PMFBP1: variants seen among roughly 807,000 people sequenced by gnomAD.
PMFBP1 encodes polyamine-modulated factor 1-binding protein 1.
In PMFBP1, 131 loss-of-function variants were observed where a neutral mutation model predicts 137.8. That is an observed-to-expected ratio of 0.95 (90% CI 0.82 to 1.10). The LOEUF is 1.10. Ranked by LOEUF, PMFBP1 falls within the 50% of genes least tolerant of loss-of-function variation. PMFBP1 has a pLI of 0.00. For missense variants in PMFBP1, 1,199 were observed against 1,175.4 expected (o/e 1.02, Z -0.29); for synonymous variants, 490 against 450.4 (o/e 1.09, Z -1.11).
chr16:72,205,726 G>A, the PMFBP1 span, among the ~76,000 whole-genome samples: 15 of 152,088 alleles, frequency 9.9e-5, no homozygotes, highest in Admixed American at 3.9e-4. Context: ...GTTTATAGTC[G>A]TCTCTTCCAT....
At chr16:72,130,402 T>C (rs765992691) in intron 11 of PMFBP1, 45 bp from the exon 12 acceptor site, 13 of 1,612,984 alleles carry the variant, frequency 8.1e-6, no homozygotes, top group South Asian at 2.2e-5. Flanking sequence ...TCAGTGCCCA[T>C]GTGGGCAGAT....
chr16:72,196,902 C>T, the PMFBP1 span, among the ~76,000 whole-genome samples: 1 of 152,218 alleles, frequency 6.6e-6, no homozygotes. Context: ...CTGATAGGCT[C>T]TACAATCCAA....
In PMFBP1 at chr16:72,132,749, A is replaced by C. The variant is rs762497410; in HGVS notation, c.1446T>G (p.Ala482=). ...GGACAGCACCTGCAGGGGCCTCACC[A>C]GCCAGCCTCTCCTGCTGCTTGGCCT... is the stretch of plus-strand genomic sequence containing the variant. ...LEEAKQQERL[A]AQQAAQCKEE... Residue 482 remains alanine (A), a splice_region_variant and synonymous_variant, in exon 10 of 21, where the codon GCT becomes GCG. Transcript: ENST00000237353. 1 of 1,614,192 alleles carries C rather than the reference A, an allele frequency of 6.2e-7. No homozygotes were observed. Among genetic ancestry groups the C allele is most frequent in the Non-Finnish European group, 8.5e-7 (1 of 1,180,020 alleles).
chr16:72,171,112 CT>C, intron 2 of PMFBP1, 84 bp downstream of exon 2: 1 of 1,459,986 alleles, frequency 6.8e-7, no homozygotes, highest in South Asian at 1.1e-5. Flanking sequence ...ATGCTTATTA[CT>C]GGAATTTTGA....
the PMFBP1 span, among the ~76,000 whole-genome samples, chr16:72,242,655 G>C: frequency 6.6e-6 from 1 of 152,184 alleles, no homozygotes. Flanking sequence ...TTCCGAACTA[G>C]AACGTTCATT....
At chr16:72,125,522 G>A (rs779622271) in intron 15 of PMFBP1, 117 bp from the exon 16 acceptor site, 75 of 1,175,790 alleles carry the variant, frequency 6.4e-5, no homozygotes, top group Middle Eastern at 5.7e-4. Flanking sequence ...TGACACGGAC[G>A]GTCACCTTGC....
At chr16:72,162,831 C>T (rs909515383) in intron 3 of PMFBP1, among the ~76,000 whole-genome samples, 16 of 152,198 alleles carry the variant, frequency 1.1e-4, no homozygotes, top group African/African-American at 2.7e-4. Context: ...AAACTCATGA[C>T]AGCAATGGTG....
At chr16:72,146,506 A>G (rs2042808607) in intron 5 of PMFBP1, among the ~76,000 whole-genome samples, 1 of 152,134 alleles carries the variant, frequency 6.6e-6, no homozygotes, top group Non-Finnish European at 1.5e-5. Flanking sequence ...TTCGTGTAGT[A>G]TTGGAAGTTC....
chr16:72,202,482 C>T, the PMFBP1 span, among the ~76,000 whole-genome samples: 9 of 152,140 alleles, frequency 5.9e-5, no homozygotes, highest in South Asian at 2.1e-4. Flanking sequence ...CTGGCCCTGA[C>T]GTTTTTCTCT....
rs1027448268 is a variant in PMFBP1, at chr16:72,148,495, T to A, written c.636+2113A>T. ...GTAACAAACCTGCACGTTGTGCACA[T>A]GTACCCCAGAACTTAAAGTAGAATA... is the stretch of plus-strand genomic sequence containing the variant. On this transcript the variant is annotated intron_variant, in intron 5 of 20. Coordinates refer to ENST00000237353, the MANE Select transcript of PMFBP1 (RefSeq NM_031293.3). Among the ~76,000 whole-genome samples the A allele has an allele frequency of 4.6e-5, 7 of 152,260 alleles. No individual in the cohort carries two copies. The East Asian group carries it at 7.7e-4, about 17-fold the overall frequency.
At position 72,139,305 on chromosome 16, in the gene PMFBP1, C is replaced by T; in HGVS notation, c.902G>A (p.Cys301Tyr). Residue 301 changes from cysteine (C) to tyrosine (Y), a missense_variant, in exon 7 of 21, where the codon TGT becomes TAT. By Grantham distance (194) the Cys-to-Tyr change is radical. Coordinates refer to ENST00000237353, the MANE Select transcript of PMFBP1 (RefSeq NM_031293.3). ...TTCTCCCACCTTTTTGATGTCTTCA[C>T]ACTCTTCTGAGGAGCTAGGAGGGTA... Reference protein sequence around the residue: ...HRYPPSSSEECEDIKKILKHL... With the variant: ...HRYPPSSSEEYEDIKKILKHL... 6.2e-7 allele frequency: 1 copy of T among 1,613,704 alleles called. No homozygotes were observed. Among genetic ancestry groups the T allele is most frequent in the Non-Finnish European group, 8.5e-7 (1 of 1,179,620 alleles).
At chr16:72,145,690 A>C (rs893236341) in intron 5 of PMFBP1, among the ~76,000 whole-genome samples, 1 of 152,228 alleles carries the variant, frequency 6.6e-6, no homozygotes, top group Non-Finnish European at 1.5e-5. Context: ...AAAAATGATA[A>C]GGGGGACATC....
the PMFBP1 span, among the ~76,000 whole-genome samples, chr16:72,236,309 G>C: frequency 3.9e-5 from 6 of 152,108 alleles, no homozygotes; most frequent in African/African-American, 1.4e-4. Flanking sequence ...TGTACTTAAT[G>C]AACTTGTAAA....
the PMFBP1 span, among the ~76,000 whole-genome samples, chr16:72,237,657 A>G: frequency 6.6e-6 from 1 of 151,944 alleles, no homozygotes; most frequent in African/African-American, 2.4e-5. Flanking sequence ...AAAAACTTTC[A>G]TTTTAAATTT....
At chr16:72,127,758 C>T (rs1423153732) in intron 14 of PMFBP1, among the ~76,000 whole-genome samples, 1 of 152,204 alleles carries the variant, frequency 6.6e-6, no homozygotes, top group Non-Finnish European at 1.5e-5. Flanking sequence ...ATCATTGATT[C>T]CTCACTTTCT....
chr16:72,184,968 T>G, the PMFBP1 span, among the ~76,000 whole-genome samples: 1 of 152,096 alleles, frequency 6.6e-6, no homozygotes, highest in Non-Finnish European at 1.5e-5. Context: ...TCCATTGCTC[T>G]CAAGGTAAAG....
chr16:72,132,893 C>T lies in PMFBP1; in HGVS notation c.1302G>A (p.Gln434=). The T allele has an allele frequency of 6.2e-7, 1 of 1,614,236 alleles. No homozygotes were observed. Among genetic ancestry groups the T allele is most frequent in the South Asian group, 1.1e-5 (1 of 91,086 alleles). ...LLKKEKELEK[Q]QCMATELEMT... ...TTTCAAGTTCTGTGGCCATGCACTGCTGCTTCTCCAGCTCCTTCTCCTTTT... is the reference window on the plus strand; with the variant it reads ...TTTCAAGTTCTGTGGCCATGCACTGTTGCTTCTCCAGCTCCTTCTCCTTTT... The change falls in exon 10 of 21, where the codon CAG becomes CAA. Residue 434 remains glutamine (Q), a synonymous_variant. Transcript: ENST00000237353.
At chr16:72,222,968 C>T in the PMFBP1 span, among the ~76,000 whole-genome samples, 1 of 152,056 alleles carries the variant, frequency 6.6e-6, no homozygotes, top group African/African-American at 2.4e-5. Flanking sequence ...TTATTTGGCT[C>T]TTTCAAATAA....
rs577881185 is a variant in PMFBP1 at position 72,130,096 on chromosome 16, C to T, written c.1782+117G>A. 27 of 1,380,414 alleles carry T rather than the reference C, an allele frequency of 2.0e-5. No homozygotes were observed. The African/African-American group carries it at 3.4e-4, about 18-fold the overall frequency. 85.5% of individuals were successfully genotyped at this position (1,380,414 alleles called of 1,614,324 possible). On this transcript the variant is annotated intron_variant, in intron 12 of 20. Transcript: ENST00000237353. ...TCTGGAACCCCTGGGCTCAAGTGAT[C>T]TGCCTGCCTTGGCCTCGCAAAGAGC...
Sources: allele counts gnomAD v4.1 joint callset (sites outside exome capture counted in the v4.1 genomes callset), GRCh38; gene constraint gnomAD v4.1.1; transcripts MANE v1.5; gene names NCBI Gene and HGNC (gene_info 2026-07-23, HGNC 2026-07-21).